Variants in DNAJC15 observed in about 807,000 individuals in gnomAD.
DNAJC15 encodes the protein DnaJ heat shock protein family (Hsp40) member C15, also known as dnaJ homolog subfamily C member 15.
Under a neutral mutation model 22.4 loss-of-function variants are expected in DNAJC15, and 27 were observed. The observed-to-expected ratio is 1.20, with a 90% CI of 0.89 to 1.66. The LOEUF (loss-of-function observed/expected upper bound fraction) is 1.66, where lower values mean the gene tolerates loss of function less well. DNAJC15 is among the 40% of genes most tolerant of loss of function. DNAJC15 has a pLI of 0.00. For synonymous variants in DNAJC15, 79 were observed against 63.2 expected, an observed-to-expected ratio of 1.25 and a Z score of -1.19; for missense variants, 208 against 187.1, an observed-to-expected ratio of 1.11 and a Z score of -0.65.
At chr13:43,039,689 A>G (rs1477497018) in intron 1 of DNAJC15, among the ~76,000 whole-genome samples, 1 of 152,248 alleles carries the variant, frequency 6.6e-6, no homozygotes, top group Non-Finnish European at 1.5e-5. Flanking sequence ...CAAATGTTAG[A>G]AAACAAAACT....
intron 3 of DNAJC15, among the ~76,000 whole-genome samples, chr13:43,077,130 T>G (rs2040637299): frequency 6.6e-6 from 1 of 152,218 alleles, no homozygotes; most frequent in Admixed American, 6.5e-5. Context: ...TCAGACATTC[T>G]CCACTTGGAT....
At chr13:43,077,782 C>G (rs936494997) in intron 3 of DNAJC15, among the ~76,000 whole-genome samples, 1 of 152,164 alleles carries the variant, frequency 6.6e-6, no homozygotes, top group African/African-American at 2.4e-5. Context: ...TTTTCTTTTT[C>G]TCATATCCCA....
In DNAJC15 at chr13:43,065,670, A is replaced by AT. The variant is rs2040580028; in HGVS notation, c.109-10dup. 3 of 1,608,472 alleles carry AT rather than the reference A, an allele frequency of 1.9e-6. No homozygotes were observed. Among genetic ancestry groups the AT allele is most frequent in the South Asian group, 1.1e-5 (1 of 90,602 alleles). ...GCATGTTACATCATAAGTAATATTC[A>AT]TTTTTTCTTCCATAGGTAAGAAGTT... On this transcript the variant is annotated splice_polypyrimidine_tract_variant and intron_variant, in intron 1 of 5. Transcript: ENST00000379221.
At position 43,111,429 on chromosome 13, in the gene DNAJC15, A is replaced by G. The variant is rs2040824154; in HGVS notation, c.*4181A>G. On this transcript the variant is annotated 3_prime_UTR_variant, in exon 6 of 6. Coordinates refer to ENST00000379221, the MANE Select transcript of DNAJC15 (RefSeq NM_013238.3). Reference sequence around the variant, plus strand: ...ATTGATCACCCAGCAGCATCATTAGAAATAATATATTTTATTCATGTGCAG... The same window carrying G: ...ATTGATCACCCAGCAGCATCATTAGGAATAATATATTTTATTCATGTGCAG... The G allele has an allele frequency of 6.6e-6, 1 of 152,190 alleles. No individual in the cohort carries two copies. The highest frequency in any genetic ancestry group is 6.5e-5 in the Admixed American group (1 of 15,278). The allele number at this position is 152,190 out of a possible 1,614,324, so 9.4% of individuals were successfully genotyped here.
At chr13:43,095,698 G>T (rs2040736510) in intron 5 of DNAJC15, among the ~76,000 whole-genome samples, 1 of 152,126 alleles carries the variant, frequency 6.6e-6, no homozygotes, top group East Asian at 1.9e-4. Flanking sequence ...AGGAGAAAAT[G>T]ATACCATAGA....
chr13:43,051,661 G>GTGTGTGTGTGTGTA lies in DNAJC15; in HGVS notation c.109-14024_109-14023insGTGTGTGTGTGTAT, dbSNP rs899772980. Among the ~76,000 whole-genome samples, 521 of 78,084 alleles carry GTGTGTGTGTGTGTA rather than the reference G, an allele frequency of 6.7e-3. 16 individuals carry two copies. The East Asian group carries it at 0.071, about 11-fold the overall frequency. 51.2% of individuals were successfully genotyped at this position (78,084 alleles called of 152,430 possible). On this transcript the variant is annotated intron_variant, in intron 1 of 5. Coordinates refer to ENST00000379221, the MANE Select transcript of DNAJC15 (RefSeq NM_013238.3). ...TGTGTGTGTGTGTGTGTGTGTGTGT[G>GTGTGTGTGTGTGTA]TATATATATCACATTTTCTTTATCC...
At chr13:43,086,992 T>C (rs952168034) in intron 5 of DNAJC15, among the ~76,000 whole-genome samples, 12 of 152,310 alleles carry the variant, frequency 7.9e-5, no homozygotes, top group African/African-American at 2.4e-4. Flanking sequence ...CCAGTCAGCA[T>C]TGTGGCCTTG....
At chr13:43,074,237 A>G (rs2040622300) in intron 3 of DNAJC15, among the ~76,000 whole-genome samples, 1 of 152,200 alleles carries the variant, frequency 6.6e-6, no homozygotes, top group South Asian at 2.1e-4. Context: ...GAGTGAATGA[A>G]TTAGCTAATG....
chr13:43,060,889 A>G (rs2040555541), intron 1 of DNAJC15, among the ~76,000 whole-genome samples: 1 of 152,202 alleles, frequency 6.6e-6, no homozygotes, highest in Non-Finnish European at 1.5e-5. Flanking sequence ...CTACCCACCC[A>G]GTGAAAGTGT....
At chr13:43,032,134 C>T (rs1055743253) in intron 1 of DNAJC15, among the ~76,000 whole-genome samples, 3 of 152,162 alleles carry the variant, frequency 2.0e-5, no homozygotes, top group Non-Finnish European at 2.9e-5. Context: ...TTGCTAAAGA[C>T]GGAGAGGAAG....
At chr13:43,037,346 A>G (rs2040433748) in intron 1 of DNAJC15, among the ~76,000 whole-genome samples, 1 of 152,198 alleles carries the variant, frequency 6.6e-6, no homozygotes, top group Non-Finnish European at 1.5e-5. Context: ...CAAAGTCAGT[A>G]TGATAAAAGC....
chr13:43,087,084 A>G (rs2040692091), intron 5 of DNAJC15, among the ~76,000 whole-genome samples: 1 of 151,342 alleles, frequency 6.6e-6, no homozygotes, highest in African/African-American at 2.5e-5. Context: ...TGTTTGCATG[A>G]TTTAATAACC....
chr13:43,068,636 C>CT (rs1310040663), intron 2 of DNAJC15, among the ~76,000 whole-genome samples: 1 of 151,536 alleles, frequency 6.6e-6, no homozygotes, highest in African/African-American at 2.4e-5. Flanking sequence ...TTTTTGTGAC[C>CT]TATACCATAA....
chr13:43,042,905 G>A (rs1366284478), intron 1 of DNAJC15, among the ~76,000 whole-genome samples: 1 of 152,136 alleles, frequency 6.6e-6, no homozygotes, highest in Non-Finnish European at 1.5e-5. Context: ...AGTGTAGCCA[G>A]GTTGACACAT....
rs750188466 is a variant in DNAJC15, at chr13:43,085,854, AT to A, written c.382+21del. Reference sequence around the variant, plus strand: ...CCAGATAAAGGTAGGTAGAATTCCTATTTTTCATAATATGTATATCAAAATA... The same window carrying A: ...CCAGATAAAGGTAGGTAGAATTCCTATTTTCATAATATGTATATCAAAATA... On this transcript the variant is annotated intron_variant, in intron 5 of 5. Transcript: ENST00000379221. 1 of 1,598,894 alleles carries A rather than the reference AT, an allele frequency of 6.3e-7. No homozygotes were observed. The highest frequency in any genetic ancestry group is 8.6e-7 in the Non-Finnish European group (1 of 1,167,592).
In DNAJC15 at chr13:43,107,609, CCT is replaced by C. The variant is rs2040804291; in HGVS notation, c.*364_*365del. 6.3e-6 allele frequency: 1 copy of C among 158,624 alleles called. No homozygotes were observed. The highest frequency in any genetic ancestry group is 1.4e-5 in the Non-Finnish European group (1 of 72,826). 9.8% of individuals were successfully genotyped at this position (158,624 alleles called of 1,614,324 possible). A position where few individuals can be genotyped will look rare whatever the true frequency, so the allele number is the denominator to read the frequency against. On this transcript the variant is annotated 3_prime_UTR_variant, in exon 6 of 6. Coordinates refer to ENST00000379221, the MANE Select transcript of DNAJC15 (RefSeq NM_013238.3). ...TTGGGATTTGTGAGCAATGAGTAGACCTCTTATTGTTTATATTTGTACCCTCA... is the reference window on the plus strand; with the variant it reads ...TTGGGATTTGTGAGCAATGAGTAGACCTTATTGTTTATATTTGTACCCTCA...
At chr13:43,034,828 C>T (rs1407503392) in intron 1 of DNAJC15, among the ~76,000 whole-genome samples, 1 of 152,134 alleles carries the variant, frequency 6.6e-6, no homozygotes, top group Non-Finnish European at 1.5e-5. Flanking sequence ...TCCTTGCTTT[C>T]TGGCACTACA....
chr13:43,034,463 C>T (rs921932055), intron 1 of DNAJC15, among the ~76,000 whole-genome samples: 1 of 151,426 alleles, frequency 6.6e-6, no homozygotes, highest in African/African-American at 2.4e-5. Context: ...CTACAGGTGC[C>T]CACCACCGCG....
chr13:43,078,521 C>T lies in DNAJC15; in HGVS notation c.235-91C>T, dbSNP rs1227805026. On this transcript the variant is annotated intron_variant, in intron 3 of 5. Transcript: ENST00000379221. The stretch of plus-strand genomic sequence containing the variant: ...TTTTGAGTTGACTTCTAGTAAAATG[C>T]ATTACTCTCACTGCAGCTACATGAT... 7 of 951,850 alleles carry T rather than the reference C, an allele frequency of 7.4e-6. No individual in the cohort carries two copies. In the East Asian group the frequency reaches 1.3e-4, roughly 18 times the overall value. The allele number at this position is 951,850 out of a possible 1,614,324, so 59.0% of individuals were successfully genotyped here.
Sources: gnomAD v4.1 joint callset for allele counts (sites outside exome capture counted in the v4.1 genomes callset) on GRCh38, gnomAD v4.1.1 for gene constraint, MANE v1.5 for transcripts, NCBI Gene and HGNC (gene_info 2026-07-23, HGNC 2026-07-21) for gene names.